The following PRR5 variants were observed in gnomAD, a reference collection of about 807,000 sequenced individuals.
PRR5 encodes the protein proline rich 5, also known as proline-rich protein 5.
In PRR5, 25 loss-of-function variants were observed where a neutral mutation model predicts 30.6. The ratio of observed to expected loss-of-function variants is 0.82; its 90% confidence interval spans 0.60 to 1.14. The LOEUF (loss-of-function observed/expected upper bound fraction) is 1.14. Ranked by LOEUF, PRR5 falls within the 50% of genes most tolerant of loss-of-function variation. The probability of loss-of-function intolerance (pLI) is 0.00; values close to 1 mark genes in which losing one functional copy is unlikely to be tolerated. For synonymous variants in PRR5, 286 were observed against 247.1 expected (o/e 1.16, Z -1.48); for missense variants, 600 against 547.1 (o/e 1.10, Z -0.96).
At chr22:44,701,578 C>T (rs948956036), upstream of PRR5, among the ~76,000 whole-genome samples, 1 of 152,240 alleles carries the variant, frequency 6.6e-6, no homozygotes, top group South Asian at 2.1e-4. Context: ...TGGGAAACTG[C>T]TTGGTTTTAC....
rs559820882 is a variant in PRR5 at position 44,710,515 on chromosome 22, C to T, written c.135-4076C>T. Among the ~76,000 whole-genome samples, 438 of 152,336 alleles carry T rather than the reference C, an allele frequency of 2.9e-3. 3 individuals are homozygous for T. The highest frequency in any genetic ancestry group is 9.9e-3 in the African/African-American group (411 of 41,584). ...TTACACATGCCCCAACTGGGCCCGT[C>T]TTTGCAGGGCCCAGAGGGGCAGCTG... On this transcript the variant is annotated intron_variant, in intron 1 of 7. Coordinates refer to ENST00000336985, the MANE Select transcript of PRR5 (RefSeq NM_181333.4).
chr22:44,683,824 G>A (rs867536760), intron 1 of PRR5, among the ~76,000 whole-genome samples: 34 of 152,282 alleles, frequency 2.2e-4, no homozygotes, highest in African/African-American at 6.7e-4. Context: ...GCCTACTCGC[G>A]AGCCACCCGG....
intron 1 of PRR5, among the ~76,000 whole-genome samples, chr22:44,682,457 G>T (rs528819113): frequency 2.1e-4 from 32 of 152,180 alleles, no homozygotes; most frequent in Non-Finnish European, 3.7e-4. Context: ...CTGGGCTCTG[G>T]ATTCCACCAT....
chr22:44,733,074 C>T (rs991438081), intron 6 of PRR5, among the ~76,000 whole-genome samples: 9 of 152,386 alleles, frequency 5.9e-5, no homozygotes, highest in Non-Finnish European at 1.2e-4. Context: ...ACACAGTGTC[C>T]CAGTCATTTC....
chr22:44,683,147 T>C lies in PRR5; in HGVS notation c.-11+5907T>C, dbSNP rs372741494. Among the ~76,000 whole-genome samples the C allele has an allele frequency of 3.3e-5, 5 of 152,242 alleles. No homozygotes were observed. In the East Asian group the frequency reaches 5.8e-4, roughly 18 times the overall value. On this transcript the variant is annotated intron_variant, in intron 1 of 8. Coordinates refer to the PRR5 transcript ENST00000006251. ...CAAGGAGGCCCCTGGGTCCCCTGCC[T>C]CTCCTCTCAGACCCTGGGAGCTGAT... is the stretch of plus-strand genomic sequence containing the variant.
rs896660598 is a variant in PRR5 at position 44,725,180 on chromosome 22, G to A, written c.216-64G>A. ...TGCCCAGGAGGCCCCACCCCAGTCC[G>A]TGGGTCCCCCATGCCAGTGCCGTGT... is the stretch of plus-strand genomic sequence containing the variant. On this transcript the variant is annotated intron_variant, in intron 2 of 7. Coordinates refer to ENST00000336985, the MANE Select transcript of PRR5 (RefSeq NM_181333.4). 33 of 1,599,830 alleles carry A rather than the reference G, an allele frequency of 2.1e-5. No homozygotes were observed. The East Asian group carries it at 3.8e-4, about 19-fold the overall frequency.
chr22:44,693,795 A>ATTTT (rs61604082), intron 1 of PRR5, among the ~76,000 whole-genome samples: 3,424 of 78,874 alleles, frequency 0.043, 248 homozygotes, highest in African/African-American at 0.13. Context: ...ACACTCGGCT[A>ATTTT]TTTTTTTTTT....
At chr22:44,735,687 G>A (rs530984995) in intron 7 of PRR5, among the ~76,000 whole-genome samples, 3 of 152,238 alleles carry the variant, frequency 2.0e-5, no homozygotes, top group East Asian at 1.9e-4. Context: ...CCGAGCCCAC[G>A]CCCTTCCCCT....
intron 1 of PRR5, among the ~76,000 whole-genome samples, chr22:44,682,798 G>A (rs535275043): frequency 2.0e-5 from 3 of 152,138 alleles, no homozygotes; most frequent in South Asian, 2.1e-4. Context: ...GGAAATTGCC[G>A]CTCTCATTCT....
intron 4 of PRR5, among the ~76,000 whole-genome samples, chr22:44,727,599 A>G (rs1346026958): frequency 2.0e-5 from 3 of 152,188 alleles, no homozygotes; most frequent in African/African-American, 7.2e-5. Flanking sequence ...ACACAGCTGC[A>G]CCGTGGCAAG....
At chr22:44,700,423 G>A (rs1164275163), upstream of PRR5, among the ~76,000 whole-genome samples, 6 of 152,068 alleles carry the variant, frequency 3.9e-5, no homozygotes, top group Admixed American at 6.6e-5. Context: ...CCATGATTGC[G>A]CCATTGCACT....
At position 44,736,760 on chromosome 22, in the gene PRR5, G is replaced by C; in HGVS notation, c.692-12G>C. 1 of 1,532,854 alleles carries C rather than the reference G, an allele frequency of 6.5e-7. No individual in the cohort carries two copies. 95.0% of individuals were successfully genotyped at this position (1,532,854 alleles called of 1,614,324 possible). ...TGGCCTCTGGTGTGACAGTGCCCGT[G>C]TCTCTCCCCAGAAAAGCGCCTCCTC... is the stretch of plus-strand genomic sequence containing the variant. On this transcript the variant is annotated splice_polypyrimidine_tract_variant and intron_variant, in intron 7 of 7. Coordinates refer to ENST00000336985, the MANE Select transcript of PRR5 (RefSeq NM_181333.4).
At chr22:44,689,784 G>A (rs1925080293) in intron 1 of PRR5, among the ~76,000 whole-genome samples, 1 of 152,218 alleles carries the variant, frequency 6.6e-6, no homozygotes, top group Non-Finnish European at 1.5e-5. Flanking sequence ...GAGTAGCTGG[G>A]ACTACAGGCG....
At chr22:44,684,752 A>T (rs1467435152) in intron 1 of PRR5, among the ~76,000 whole-genome samples, 2 of 152,234 alleles carry the variant, frequency 1.3e-5, no homozygotes, top group African/African-American at 4.8e-5. Context: ...GGCCGGGCTG[A>T]TGTCAGCGTC....
chr22:44,724,719 T>C lies in PRR5; in HGVS notation c.216-525T>C, dbSNP rs143869906. Among the ~76,000 whole-genome samples the C allele has an allele frequency of 9.6e-3, 1,464 of 152,304 alleles. 8 individuals are homozygous for C. Among genetic ancestry groups the C allele is most frequent in the Middle Eastern group, 0.031 (9 of 294 alleles). The stretch of plus-strand genomic sequence containing the variant: ...GTGGACCTGGTCTGGTGTCTTGACC[T>C]CTGCGAGCCTCTCTTGCCTCCCCTG... On this transcript the variant is annotated intron_variant, in intron 2 of 7. Coordinates refer to ENST00000336985, the MANE Select transcript of PRR5 (RefSeq NM_181333.4).
intron 2 of PRR5, among the ~76,000 whole-genome samples, chr22:44,716,230 G>A (rs1413005247): frequency 6.6e-6 from 1 of 152,200 alleles, no homozygotes; most frequent in Non-Finnish European, 1.5e-5. Context: ...TAAAAATCGG[G>A]GGCTGTGTTA....
chr22:44,708,990 AAAAG>A (rs1305550737), intron 1 of PRR5, among the ~76,000 whole-genome samples: 1 of 144,256 alleles, frequency 6.9e-6, no homozygotes, highest in Non-Finnish European at 1.5e-5. Context: ...AAAAAAAAAA[AAAAG>A]AAGGTACAAG....
rs1230278741 is a variant in PRR5, at chr22:44,722,985, TTTC to T, written c.216-2256_216-2254del. Among the ~76,000 whole-genome samples, 21 of 129,098 alleles carry T rather than the reference TTTC, an allele frequency of 1.6e-4. 1 individual carries two copies. In the Middle Eastern group the frequency reaches 0.017, roughly 103 times the overall value. 84.7% of individuals were successfully genotyped at this position (129,098 alleles called of 152,430 possible). On this transcript the variant is annotated intron_variant, in intron 2 of 7. Coordinates refer to ENST00000336985, the MANE Select transcript of PRR5 (RefSeq NM_181333.4). ...AATTGTTCCATAATCTTTAAAAACT[TTTC>T]TTTTTTTTTTTTTTTGAGACAGAGA... is the stretch of plus-strand genomic sequence containing the variant.
At chr22:44,730,282 C>T (rs760298052) in intron 4 of PRR5, 31 of 985,052 alleles carry the variant, frequency 3.1e-5, no homozygotes, top group African/African-American at 5.2e-5. Context: ...CAGCCGGCAA[C>T]GCTTCCCTCT....
Sources: gnomAD v4.1 joint callset for allele counts (sites outside exome capture counted in the v4.1 genomes callset) on GRCh38, gnomAD v4.1.1 for gene constraint, MANE v1.5 for transcripts, NCBI Gene and HGNC (gene_info 2026-07-23, HGNC 2026-07-21) for gene names.